The following LZTR1 variants were observed in gnomAD, a reference collection of about 807,000 sequenced individuals.
The protein encoded by LZTR1 is leucine zipper like post translational regulator 1.
LZTR1 carries 260 observed loss-of-function variants against 105.7 expected under a neutral mutation model. The observed-to-expected ratio is 2.46, with a 90% CI of 2.22 to 2.72. The LOEUF (loss-of-function observed/expected upper bound fraction) is 2.72, where lower values mean the gene tolerates loss of function less well. Among genes scored for constraint, LZTR1 ranks in the 30% most tolerant of loss-of-function variants. The pLI is 0.00. For synonymous variants in LZTR1, 490 were observed against 476.4 expected (o/e 1.03, Z -0.37); for missense variants, 1,214 against 1,166.9 (o/e 1.04, Z -0.59).
Position 20,995,493 on chromosome 22 carries a change from G to C in LZTR1, c.1943-253G>C, listed in dbSNP as rs1269660761. The C allele has an allele frequency of 7.4e-6, 5 of 678,958 alleles. No individual in the cohort carries two copies. In the Admixed American group the frequency reaches 8.3e-5, roughly 11 times the overall value. 42.1% of individuals were successfully genotyped at this position (678,958 alleles called of 1,614,324 possible). A position where few individuals can be genotyped will look rare whatever the true frequency, so the allele number is the denominator to read the frequency against. On this transcript the variant is annotated intron_variant, in intron 16 of 20. Coordinates refer to ENST00000646124, the MANE Select transcript of LZTR1 (RefSeq NM_006767.4). Reference sequence around the variant, plus strand: ...GGGGGCTTGATCATGAGGTCAGCGAGGGGGTACAGCAAGCTGGGTGGAAGA... The same window carrying C: ...GGGGGCTTGATCATGAGGTCAGCGACGGGGTACAGCAAGCTGGGTGGAAGA...
chr22:20,995,420 G>C (rs775612342), intron 16 of LZTR1: 3 of 622,626 alleles, frequency 4.8e-6, no homozygotes, highest in Admixed American at 4.3e-5. Context: ...CCGGTTGCTG[G>C]CTCTTGGTGA....
In LZTR1 at chr22:20,985,915, C is replaced by T. The variant is rs752437877; in HGVS notation, c.320+18C>T. The T allele has an allele frequency of 1.2e-6, 2 of 1,613,378 alleles. No homozygotes were observed. The highest frequency in any genetic ancestry group is 1.7e-5 in the Admixed American group (1 of 60,022). ...TGGTGCAGGTGGGTGGCCCCGTGCTCCAGGGCCCTGCCTTTCCTCCTAGAA... is the reference window on the plus strand; with the variant it reads ...TGGTGCAGGTGGGTGGCCCCGTGCTTCAGGGCCCTGCCTTTCCTCCTAGAA... On this transcript the variant is annotated intron_variant, in intron 3 of 20. Coordinates refer to ENST00000646124, the MANE Select transcript of LZTR1 (RefSeq NM_006767.4).
intron 1 of LZTR1, 151 bp from the exon 2 acceptor site, chr22:20,982,876 C>T: frequency 1.5e-6 from 1 of 685,170 alleles, no homozygotes. Flanking sequence ...TCCTCACTTG[C>T]AGGATGATTG....
chr22:20,990,388 G>A lies in LZTR1; in HGVS notation c.654G>A (p.Val218=). ...QDRELTCWEE[V]AQSGEIPPSC... is the part of the protein sequence containing the mutation. ...TGAGCTGTCCTCTCCCCCTGCAGGT[G>A]GCCCAGAGTGGCGAGATCCCCCCAT... The change falls in exon 8 of 21, where the codon GTG becomes GTA. Residue 218 remains valine (V), a splice_region_variant and synonymous_variant. Transcript: ENST00000646124. 2.5e-6 allele frequency: 4 copies of A among 1,614,116 alleles called. No homozygotes were observed. The highest frequency in any genetic ancestry group is 1.7e-6 in the Non-Finnish European group (2 of 1,180,030).
intron 11 of LZTR1, 174 bp from the exon 12 acceptor site, chr22:20,993,488 G>A (rs1924676998): frequency 3.3e-6 from 2 of 607,626 alleles, no homozygotes; most frequent in Admixed American, 5.5e-5. Context: ...CTGGAGCCAG[G>A]CTGTATTTTC....
At position 20,994,089 on chromosome 22, in the gene LZTR1, C is replaced by T. The variant is rs761905458; in HGVS notation, c.1450-15C>T. On this transcript the variant is annotated splice_polypyrimidine_tract_variant and intron_variant, in intron 13 of 20. Transcript: ENST00000646124. ...GTGTCCACTGGGGTGTCCTTGAGCTCCCTTCTCCCCACAGAAGCTGGAGCA... is the reference window on the plus strand; with the variant it reads ...GTGTCCACTGGGGTGTCCTTGAGCTTCCTTCTCCCCACAGAAGCTGGAGCA... 1 of 1,576,632 alleles carries T rather than the reference C, an allele frequency of 6.3e-7. No homozygotes were observed. The highest frequency in any genetic ancestry group is 1.3e-5 in the African/African-American group (1 of 74,458).
intron 1 of LZTR1, 90 bp from the exon 2 acceptor site, chr22:20,982,937 C>G (rs1023316163): frequency 9.4e-7 from 1 of 1,061,304 alleles, no homozygotes; most frequent in Non-Finnish European, 1.5e-6. Context: ...TGATACCTAA[C>G]TTCCGTGGCA....
At chr22:20,989,402 G>A (rs964182667) in intron 6 of LZTR1, among the ~76,000 whole-genome samples, 9 of 152,238 alleles carry the variant, frequency 5.9e-5, no homozygotes, top group Non-Finnish European at 1.2e-4. Flanking sequence ...CTGATGTCAT[G>A]CATGAGAGTA....
At chr22:20,988,996 T>A in intron 6 of LZTR1, 124 bp downstream of exon 6, 2 of 817,776 alleles carry the variant, frequency 2.4e-6, no homozygotes, top group South Asian at 2.9e-5. Context: ...TGAGTGCCAC[T>A]CTGTCTGGGG....
intron 16 of LZTR1, chr22:20,995,238 G>A: frequency 1.4e-6 from 1 of 704,622 alleles, no homozygotes; most frequent in African/African-American, 1.7e-5. Context: ...GTGTCCTGGT[G>A]ACCTGGGATT....
chr22:20,991,480 C>A, intron 8 of LZTR1, 148 bp from the exon 9 acceptor site: 1 of 646,902 alleles, frequency 1.5e-6, no homozygotes, highest in Non-Finnish European at 2.7e-6. Flanking sequence ...AGGTGCTCAG[C>A]GCAGGTGTCT....
Position 20,997,324 on chromosome 22 carries a change from C to G in LZTR1, c.2499C>G (p.Cys833Trp). The G allele has an allele frequency of 6.2e-7, 1 of 1,613,432 alleles. No individual in the cohort carries two copies. The highest frequency in any genetic ancestry group is 8.5e-7 in the Non-Finnish European group (1 of 1,179,796). ...SLASHISDKQ[C>W]AELGADI ...CCTCCCACATCTCAGACAAGCAGTG[C>G]GCAGAGCTGGGCGCCGACATCTGAG... Residue 833 changes from cysteine to tryptophan, a missense_variant, in exon 21 of 21, where the codon TGC (cysteine) becomes TGG (tryptophan). Physicochemically the swap from Cys to Trp is radical, Grantham distance 215 (BLOSUM62 -2). Transcript: ENST00000646124.
At chr22:20,987,635 A>G in intron 4 of LZTR1, 52 bp downstream of exon 4, 1 of 1,507,674 alleles carries the variant, frequency 6.6e-7, no homozygotes, top group Non-Finnish European at 9.2e-7. Flanking sequence ...GCCCACAGAC[A>G]CCCTGCCCTT....
intron 13 of LZTR1, 30 bp downstream of exon 13, chr22:20,994,049 T>G (rs749712906): frequency 1.3e-6 from 2 of 1,590,592 alleles, no homozygotes; most frequent in Non-Finnish European, 1.7e-6. Flanking sequence ...TGCCCTGACC[T>G]GGCAGCCATG....
intron 5 of LZTR1, 31 bp downstream of exon 5, chr22:20,988,149 G>C (rs1354596679): frequency 1.4e-6 from 2 of 1,456,030 alleles, no homozygotes; most frequent in Admixed American, 3.4e-5. Context: ...ATTTGGGACA[G>C]GCTGGGTCCT....
chr22:20,994,437 C>G (rs987268532), intron 14 of LZTR1, 121 bp from the exon 15 acceptor site: 1 of 1,279,368 alleles, frequency 7.8e-7, no homozygotes, highest in Non-Finnish European at 1.1e-6. Flanking sequence ...CATCTGAGTC[C>G]CCCGAGGCCT....
At chr22:20,985,153 C>T (rs575929032) in intron 2 of LZTR1, among the ~76,000 whole-genome samples, 2 of 151,224 alleles carry the variant, frequency 1.3e-5, no homozygotes, top group Non-Finnish European at 2.9e-5. Flanking sequence ...CTCTGCCTCC[C>T]GGGTTCAAGC....
chr22:20,989,154 G>A (rs546914576), intron 6 of LZTR1, among the ~76,000 whole-genome samples: 19 of 152,374 alleles, frequency 1.2e-4, no homozygotes, highest in African/African-American at 3.8e-4. Context: ...GCGGGTGGGC[G>A]GTGCCCAGGC....
At chr22:20,995,082 G>A (rs947515447) in intron 16 of LZTR1, 56 bp downstream of exon 16, 1 of 1,552,192 alleles carries the variant, frequency 6.4e-7, no homozygotes, top group Non-Finnish European at 8.7e-7. Context: ...TTCATCTGCG[G>A]TAGGAGATTG....
Sources: allele counts gnomAD v4.1 joint callset (sites outside exome capture counted in the v4.1 genomes callset), GRCh38; gene constraint gnomAD v4.1.1; transcripts MANE v1.5; gene names NCBI Gene and HGNC (gene_info 2026-07-23, HGNC 2026-07-21).